Variants in MAP3K13 observed in about 807,000 individuals in gnomAD.
The protein encoded by MAP3K13 is mitogen-activated protein kinase kinase kinase 13.
MAP3K13 carries 52 observed loss-of-function variants against 104.0 expected under a neutral mutation model. The ratio of observed to expected loss-of-function variants is 0.50; its 90% CI spans 0.40 to 0.63. The LOEUF is 0.63. Ranked by LOEUF, MAP3K13 falls within the 20% of genes least tolerant of loss-of-function variation. The pLI is 0.00. For synonymous variants in MAP3K13, 394 were observed against 442.2 expected (o/e 0.89, Z 1.37); for missense variants, 914 against 1,218.5 (o/e 0.75, Z 3.72).
At chr3:185,359,871 A>G (rs1723530928), upstream of MAP3K13, among the ~76,000 whole-genome samples, 1 of 152,080 alleles carries the variant, frequency 6.6e-6, no homozygotes, top group Non-Finnish European at 1.5e-5. Flanking sequence ...CCCATGGGTC[A>G]TGATACTTTG....
chr3:185,329,355 T>C, intron 2 of MAP3K13: 1 of 645,260 alleles, frequency 1.5e-6, no homozygotes, highest in Non-Finnish European at 2.8e-6. Flanking sequence ...TAGTTACAGA[T>C]TCATGTCAGC....
intron 1 of MAP3K13, among the ~76,000 whole-genome samples, chr3:185,420,802 G>A (rs935233078): frequency 6.6e-6 from 1 of 152,180 alleles, no homozygotes; most frequent in African/African-American, 2.4e-5. Flanking sequence ...TGTATTCTAT[G>A]ATAGAAATCC....
At chr3:185,355,087 C>A (rs996886482) in intron 2 of MAP3K13, among the ~76,000 whole-genome samples, 1 of 152,078 alleles carries the variant, frequency 6.6e-6, no homozygotes, top group South Asian at 2.1e-4. Context: ...AGTATAAGAT[C>A]GTTTACAAAG....
chr3:185,417,728 C>T, intron 1 of MAP3K13: 5 of 1,612,724 alleles, frequency 3.1e-6, no homozygotes, highest in Non-Finnish European at 4.2e-6. Flanking sequence ...GCCTTATCCA[C>T]CCGGAGCTTG....
At chr3:185,298,428 A>G (rs1384880257) in intron 2 of MAP3K13, among the ~76,000 whole-genome samples, 1 of 152,232 alleles carries the variant, frequency 6.6e-6, no homozygotes, top group Non-Finnish European at 1.5e-5. Flanking sequence ...GGACAACTCA[A>G]AGGGAAAGTA....
intron 1 of MAP3K13, among the ~76,000 whole-genome samples, chr3:185,395,210 C>T (rs1712308373): frequency 6.6e-6 from 1 of 151,878 alleles, no homozygotes; most frequent in African/African-American, 2.4e-5. Flanking sequence ...AGTCTATTGA[C>T]TTTTCTTTTT....
chr3:185,454,606 T>TATATG (rs1716209050), intron 7 of MAP3K13, among the ~76,000 whole-genome samples: 2 of 72,254 alleles, frequency 2.8e-5, no homozygotes, highest in Non-Finnish European at 2.8e-5. Context: ...ATATATGAGA[T>TATATG]ATATATGATA....
Position 185,339,889 on chromosome 3 carries a change from A to G in MAP3K13, c.-86+54246A>G, listed in dbSNP as rs540779827. On this transcript the variant is annotated intron_variant, in intron 2 of 14. Coordinates refer to the MAP3K13 transcript ENST00000424227. ...ACATACAGACAGCCCTCACTTAGTT[A>G]TATGGGACTCTAAAAATGATCATGC... 7.3e-4 allele frequency among the ~76,000 whole-genome samples: 111 copies of G among 152,368 alleles called. 1 individual carries two copies. Among genetic ancestry groups the G allele is most frequent in the Non-Finnish European group, 1.4e-3 (97 of 68,038 alleles).
At chr3:185,378,711 A>G (rs368710490) in intron 1 of MAP3K13, among the ~76,000 whole-genome samples, 2 of 152,192 alleles carry the variant, frequency 1.3e-5, no homozygotes, top group East Asian at 3.9e-4. Context: ...GAGAAAGAAG[A>G]AAGATTTGGG....
At chr3:185,437,691 C>T in intron 3 of MAP3K13, 61 bp downstream of exon 3, 1 of 1,456,756 alleles carries the variant, frequency 6.9e-7, no homozygotes. Context: ...AATATATACA[C>T]ACAAGTTTCT....
intron 1 of MAP3K13, among the ~76,000 whole-genome samples, chr3:185,378,383 C>T (rs1384696009): frequency 6.6e-5 from 10 of 152,116 alleles, no homozygotes; most frequent in East Asian, 5.8e-4. Flanking sequence ...AGAGCCTAAA[C>T]GCTATCTGAT....
chr3:185,293,159 C>T (rs1720804532), intron 2 of MAP3K13: 2 of 569,270 alleles, frequency 3.5e-6, no homozygotes, highest in African/African-American at 4.1e-5. Flanking sequence ...GCTCTGTCAC[C>T]CAGGCTGGAG....
intron 10 of MAP3K13, 76 bp downstream of exon 10, chr3:185,467,039 C>A: frequency 1.3e-6 from 2 of 1,527,736 alleles, no homozygotes; most frequent in South Asian, 1.1e-5. Context: ...CACATGATGG[C>A]GGATGTGGCC....
At chr3:185,468,589 G>A (rs192014321) in intron 10 of MAP3K13, among the ~76,000 whole-genome samples, 1 of 152,326 alleles carries the variant, frequency 6.6e-6, no homozygotes, top group East Asian at 1.9e-4. Context: ...GTTAAATGCA[G>A]TAAGAATAGA....
chr3:185,344,241 G>C (rs1310990597), intron 2 of MAP3K13, among the ~76,000 whole-genome samples: 1 of 152,178 alleles, frequency 6.6e-6, no homozygotes, highest in African/African-American at 2.4e-5. Flanking sequence ...CTGGTATATA[G>C]TGTTTTTTCA....
chr3:185,381,124 G>A (rs963094392), intron 1 of MAP3K13, among the ~76,000 whole-genome samples: 7 of 151,830 alleles, frequency 4.6e-5, no homozygotes, highest in South Asian at 2.1e-4. Context: ...TACCACGCCC[G>A]GCTAATTTTT....
At chr3:185,437,714 A>C in intron 3 of MAP3K13, 84 bp downstream of exon 3, 1 of 1,320,684 alleles carries the variant, frequency 7.6e-7, no homozygotes. Flanking sequence ...TTTGAGAGAT[A>C]TTTCAAAAGC....
chr3:185,364,209 GT>G (rs1434578330), intron 1 of MAP3K13, among the ~76,000 whole-genome samples: 1 of 152,202 alleles, frequency 6.6e-6, no homozygotes, highest in Non-Finnish European at 1.5e-5. Flanking sequence ...TATAAAGTTG[GT>G]TTGGTAGTTT....
intron 1 of MAP3K13, among the ~76,000 whole-genome samples, chr3:185,385,239 C>T (rs1040074106): frequency 6.6e-6 from 1 of 152,136 alleles, no homozygotes; most frequent in African/African-American, 2.4e-5. Context: ...CAACCTCTGC[C>T]TCCCGGATTC....
Sources: allele counts gnomAD v4.1 joint callset (sites outside exome capture counted in the v4.1 genomes callset), GRCh38; gene constraint gnomAD v4.1.1; transcripts MANE v1.5; gene names NCBI Gene and HGNC (gene_info 2026-07-23, HGNC 2026-07-21).